ZNF552: variants seen among roughly 807,000 people sequenced by gnomAD.
ZNF552 encodes the protein zinc finger protein 552.
In ZNF552, 2 loss-of-function variants were observed where a neutral mutation model predicts 7.2. That is an observed-to-expected ratio of 0.28 (90% CI 0.11 to 0.88). The LOEUF (loss-of-function observed/expected upper bound fraction) is 0.88, where lower values mean the gene tolerates loss of function less well. Among genes scored for constraint, ZNF552 ranks in the 40% least tolerant of loss-of-function variants. The pLI is 0.60. For synonymous variants in ZNF552, 173 were observed against 176.5 expected, an observed-to-expected ratio of 0.98 and a Z score of 0.16; for missense variants, 421 against 493.4, an observed-to-expected ratio of 0.85 and a Z score of 1.39.
At chr19:57,810,792 C>G (rs928745686) in intron 2 of ZNF552, among the ~76,000 whole-genome samples, 1 of 152,140 alleles carries the variant, frequency 6.6e-6, no homozygotes, top group South Asian at 2.1e-4. Flanking sequence ...ATCTGTCTCC[C>G]GCTCATCCCT....
Position 57,807,830 on chromosome 19 carries a change from C to T in ZNF552, c.*210G>A, listed in dbSNP as rs1007651439. The T allele has an allele frequency of 5.7e-6, 4 of 703,816 alleles. No individual in the cohort carries two copies. The East Asian group carries it at 9.0e-5, about 16-fold the overall frequency. 43.6% of individuals were successfully genotyped at this position (703,816 alleles called of 1,614,324 possible). A position where few individuals can be genotyped will look rare whatever the true frequency, so the allele number is the denominator to read the frequency against. ...TTGTCACACTAGTAAGGCCTTCATTCAGTGTTAACTATAATCCTGAAGGAA... is the reference window on the plus strand; with the variant it reads ...TTGTCACACTAGTAAGGCCTTCATTTAGTGTTAACTATAATCCTGAAGGAA... On this transcript the variant is annotated 3_prime_UTR_variant, in exon 3 of 3. Transcript: ENST00000391701.
Sources: gnomAD v4.1 joint callset for allele counts (sites outside exome capture counted in the v4.1 genomes callset) on GRCh38, gnomAD v4.1.1 for gene constraint, MANE v1.5 for transcripts, NCBI Gene and HGNC (gene_info 2026-07-23, HGNC 2026-07-21) for gene names.